Variants in F8 observed in about 807,000 individuals in gnomAD.
The protein encoded by F8 is antihemophilic factor.
A neutral mutation model predicts 140.6 loss-of-function variants in F8; 12 were observed. The ratio of observed to expected loss-of-function variants is 0.09; its 90% CI spans 0.05 to 0.14. The LOEUF is 0.14. Among genes scored for constraint, F8 ranks in the 10% least tolerant of loss-of-function variants. The probability of loss-of-function intolerance (pLI) is 1.00; values close to 1 mark genes in which losing one functional copy is unlikely to be tolerated. For synonymous variants in F8, 585 were observed against 614.6 expected, an observed-to-expected ratio of 0.95 and a Z score of 0.71; for missense variants, 1,354 against 1,720.7, an observed-to-expected ratio of 0.79 and a Z score of 3.77.
chrX:154,854,986 G>A lies in F8; in HGVS notation c.6900+5446C>T, dbSNP rs77753009. Among the ~76,000 whole-genome samples the A allele has an allele frequency of 4.2e-3, 470 of 111,174 alleles. 2 individuals carry two copies. The highest frequency in any genetic ancestry group is 0.015 in the African/African-American group (444 of 30,550). Reference sequence around the variant, plus strand: ...GTCTCTACTAAAAACACAAAAATTAGGCAGGTGCCTGTAATCCCAACTACT... The same window carrying A: ...GTCTCTACTAAAAACACAAAAATTAAGCAGGTGCCTGTAATCCCAACTACT... On this transcript the variant is annotated intron_variant, in intron 25 of 25. Coordinates refer to ENST00000360256, the MANE Select transcript of F8 (RefSeq NM_000132.4).
At chrX:154,990,056 A>T (rs1235895798) in intron 4 of F8, among the ~76,000 whole-genome samples, 1 of 112,085 alleles carries the variant, frequency 8.9e-6, no homozygotes, top group African/African-American at 3.2e-5. Flanking sequence ...TTATGCTGGT[A>T]ACCTACCTAT....
Position 154,907,003 on chromosome X carries a change from G to T in F8, c.5220-430C>A, listed in dbSNP as rs1402054798. On this transcript the variant is annotated intron_variant, in intron 14 of 25. Transcript: ENST00000360256. ...AGTGCATAAAACACAAATGCCTTTG[G>T]TACATAAATGCAATCATCACCCAGA... Among the ~76,000 whole-genome samples the T allele has an allele frequency of 5.4e-5, 6 of 111,634 alleles. No homozygotes were observed. In the Admixed American group the frequency reaches 5.7e-4, roughly 11 times the overall value.
At chrX:154,994,665 C>T (rs2073607221) in intron 3 of F8, among the ~76,000 whole-genome samples, 1 of 111,569 alleles carries the variant, frequency 9.0e-6, no homozygotes. Flanking sequence ...ATGCTGAGTC[C>T]CTCATATTGT....
intron 25 of F8, among the ~76,000 whole-genome samples, chrX:154,857,654 T>C (rs2072660012): frequency 8.9e-6 from 1 of 112,364 alleles, no homozygotes; most frequent in Admixed American, 9.4e-5. Flanking sequence ...TGTCAAGTAA[T>C]GGGCTGTAGT....
intron 22 of F8, among the ~76,000 whole-genome samples, chrX:154,892,137 G>A (rs959621048): frequency 1.5e-4 from 17 of 111,657 alleles, no homozygotes; most frequent in African/African-American, 5.2e-4. Context: ...TAGATCTGGT[G>A]GAGTTAAGCA....
At chrX:154,946,947 T>C (rs12396963) in intron 13 of F8, among the ~76,000 whole-genome samples, 1,113 of 111,048 alleles carry the variant, frequency 0.01, 15 homozygotes, top group African/African-American at 0.035. Context: ...ACATTCAGGC[T>C]GGGCACGGTG....
chrX:154,906,271 T>C, intron 15 of F8, 149 bp downstream of exon 15: 1 of 486,824 alleles, frequency 2.1e-6, no homozygotes, highest in Non-Finnish European at 3.2e-6. Flanking sequence ...AGGAGAAAAA[T>C]ACATAGGAAA....
At chrX:154,875,736 A>AGT (rs35911984) in intron 22 of F8, among the ~76,000 whole-genome samples, 2,036 of 93,370 alleles carry the variant, frequency 0.022, 19 homozygotes, top group East Asian at 0.064. Context: ...CTAAGAATGT[A>AGT]GTGTGTGTGT....
At chrX:154,939,505 C>A (rs2073245104) in intron 13 of F8, among the ~76,000 whole-genome samples, 4 of 112,794 alleles carry the variant, frequency 3.5e-5, no homozygotes, top group Admixed American at 9.3e-5. Flanking sequence ...AGTAGGTAAA[C>A]AAAGCGGCCG....
chrX:154,852,682 C>T (rs1335906927), intron 25 of F8, among the ~76,000 whole-genome samples: 3 of 110,638 alleles, frequency 2.7e-5, no homozygotes, highest in Admixed American at 9.7e-5. Flanking sequence ...TTTGGCTATT[C>T]AGGGTCCCTT....
At chrX:154,961,031 G>C in intron 10 of F8, 44 bp downstream of exon 10, 1 of 850,560 alleles carries the variant, frequency 1.2e-6, no homozygotes, top group Non-Finnish European at 1.8e-6. Flanking sequence ...TATCTCATCT[G>C]TATCTACAGG....
chrX:154,837,720 A>G lies in F8; in HGVS notation c.6933T>C (p.Pro2311=). 8.3e-7 allele frequency: 1 copy of G among 1,211,608 alleles called. No individual in the cohort carries two copies. The highest frequency in any genetic ancestry group is 1.1e-6 in the Non-Finnish European group (1 of 895,077). The part of the protein sequence containing the change: ...VFQGNQDSFT[P]VVNSLDPPLL... ...ACGGTGGGTCTAGAGAGTTCACCAC[A>G]GGTGTGAAGGAGTCTTGATTTCCCT... Residue 2311 remains proline, a synonymous_variant, in exon 26 of 26, where the codon CCT becomes CCC. Transcript: ENST00000360256.
intron 1 of F8, 138 bp from the exon 2 acceptor site, chrX:154,999,738 T>C: frequency 1.4e-6 from 1 of 708,956 alleles, no homozygotes; most frequent in Non-Finnish European, 2.1e-6. Flanking sequence ...TAACATCCAT[T>C]AAACCGAAAC....
intron 25 of F8, among the ~76,000 whole-genome samples, chrX:154,857,437 C>T (rs1291664979): frequency 8.9e-6 from 1 of 111,866 alleles, no homozygotes; most frequent in Non-Finnish European, 1.9e-5. Flanking sequence ...CACTTATGGC[C>T]CCATTGGGAG....
chrX:155,003,830 G>A (rs1274382972), intron 1 of F8, among the ~76,000 whole-genome samples: 2 of 109,448 alleles, frequency 1.8e-5, no homozygotes, highest in Non-Finnish European at 3.8e-5. Context: ...CTGTGGTGGC[G>A]GGTGCCTGTA....
intron 1 of F8, among the ~76,000 whole-genome samples, chrX:155,014,701 A>G (rs2073725940): frequency 8.9e-6 from 1 of 112,410 alleles, no homozygotes; most frequent in South Asian, 3.6e-4. Flanking sequence ...CCCTCAAAAT[A>G]CTTGGGGATA....
intron 25 of F8, among the ~76,000 whole-genome samples, chrX:154,847,688 AC>A (rs2072579569): frequency 1.0e-5 from 1 of 97,719 alleles, no homozygotes; most frequent in Non-Finnish European, 2.1e-5. Context: ...CATTCATCTA[AC>A]CTTTTTTTTC....
chrX:154,992,808 G>A (rs782478103), intron 4 of F8, 128 bp downstream of exon 4: 2 of 590,876 alleles, frequency 3.4e-6, no homozygotes, highest in East Asian at 3.4e-5. Flanking sequence ...TCCTTTCCAT[G>A]AGCATGATGC....
At position 154,999,509 on chromosome X, in the gene F8, T is replaced by C. The variant is rs781898025; in HGVS notation, c.235A>G (p.Asn79Asp). ...CAGGGTGGCCTTGGCTTAGCGATGT[T>C]GAAAAGGTGATCCGTGAATTCTACA... ...LFVEFTDHLF[N>D]IAKPRPPWMG... The change falls in exon 2 of 26, where the codon AAC becomes GAC. Residue 79 changes from asparagine to aspartate, a missense_variant. Coordinates refer to ENST00000360256, the MANE Select transcript of F8 (RefSeq NM_000132.4). 3 of 1,206,634 alleles carry C rather than the reference T, an allele frequency of 2.5e-6. No individual in the cohort carries two copies. The highest frequency in any genetic ancestry group is 3.4e-6 in the Non-Finnish European group (3 of 892,973).
Sources: gnomAD v4.1 joint callset for allele counts (sites outside exome capture counted in the v4.1 genomes callset) on GRCh38, gnomAD v4.1.1 for gene constraint, MANE v1.5 for transcripts, NCBI Gene and HGNC (gene_info 2026-07-23, HGNC 2026-07-21) for gene names.